The following BRWD1 variants were observed in gnomAD, a reference collection of about 807,000 sequenced individuals.
BRWD1 encodes the protein bromodomain and WD repeat domain containing 1.
A neutral mutation model predicts 251.2 loss-of-function variants in BRWD1; 82 were observed. That is an observed-to-expected ratio of 0.33 (90% CI 0.27 to 0.39). BRWD1 has a LOEUF of 0.39. BRWD1 is among the 10% of genes least tolerant of loss of function. The probability of loss-of-function intolerance (pLI) is 1.00; values close to 1 mark genes in which losing one functional copy is unlikely to be tolerated. For missense variants in BRWD1, 2,233 were observed against 2,711.6 expected (o/e 0.82, Z 3.92); for synonymous variants, 918 against 902.8 (o/e 1.02, Z -0.30).
Position 39,195,081 on chromosome 21 carries a change from GATT to G in BRWD1, c.*1175_*1177del, listed in dbSNP as rs2031741447. 5.7e-6 allele frequency: 7 copies of G among 1,223,680 alleles called. No individual in the cohort carries two copies. Among genetic ancestry groups the G allele is most frequent in the Non-Finnish European group, 7.2e-6 (7 of 978,716 alleles). 75.8% of individuals were successfully genotyped at this position (1,223,680 alleles called of 1,614,324 possible). ...GTGTGATAAACTTTCACTTTAAATGGATTATAAAATTATTTTCCCACAAAACAT... is the reference window on the plus strand; with the variant it reads ...GTGTGATAAACTTTCACTTTAAATGGATAAAATTATTTTCCCACAAAACAT... On this transcript the variant is annotated 3_prime_UTR_variant, in exon 41 of 41. Transcript: ENST00000342449.
chr21:39,312,964 GGGCCGGGGGCGGGCGGCGGGCGGCGGGC>G, intron 3 of BRWD1, 64 bp from the exon 4 acceptor site: 12 of 564,890 alleles, frequency 2.1e-5, no homozygotes, highest in Non-Finnish European at 2.8e-5. Context: ...GGGGGGCGGG[GGGCCGGGGGCGGGCGGCGGGCGGCGGGC>G]GGGGGGCGCG....
intron 19 of BRWD1, among the ~76,000 whole-genome samples, chr21:39,254,700 A>G (rs892838612): frequency 6.6e-6 from 1 of 152,226 alleles, no homozygotes; most frequent in African/African-American, 2.4e-5. Flanking sequence ...AGAAGTGTCC[A>G]AGATAATAAA....
At chr21:39,317,549 C>T (rs556359428), upstream of BRWD1, among the ~76,000 whole-genome samples, 42 of 152,320 alleles carry the variant, frequency 2.8e-4, no homozygotes, top group Non-Finnish European at 5.1e-4. Context: ...ACAGTATTAT[C>T]TTAGACTGAA....
At chr21:39,247,076 C>CA (rs542391369) in intron 21 of BRWD1, among the ~76,000 whole-genome samples, 14,059 of 101,688 alleles carry the variant, frequency 0.14, 829 homozygotes, top group Middle Eastern at 0.22. Flanking sequence ...GACTCCGTCT[C>CA]AAAAAAAAAA....
intron 4 of BRWD1, 145 bp from the exon 5 acceptor site, chr21:39,298,727 C>G: frequency 1.7e-6 from 1 of 584,718 alleles, no homozygotes; most frequent in Admixed American, 4.1e-5. Context: ...CTTAAATAAA[C>G]AATAAGCTGA....
chr21:39,218,534 A>G lies in BRWD1; in HGVS notation c.3509T>C (p.Ile1170Thr). 1.2e-6 allele frequency: 2 copies of G among 1,607,810 alleles called. No individual in the cohort carries two copies. Among genetic ancestry groups the G allele is most frequent in the East Asian group, 4.5e-5 (2 of 44,740 alleles). Residue 1170 changes from isoleucine (I) to threonine (T), a missense_variant, in exon 30 of 41, where the codon ATC becomes ACC. Physicochemically the swap from Ile to Thr is moderately conservative, Grantham distance 89 (BLOSUM62 -1). Transcript: ENST00000342449. ...KSRDEECDRI[I>T]SGIDQLLNLD... The stretch of plus-strand genomic sequence containing the variant: ...ATTCAAAAGTTGATCTATACCACTG[A>G]TAATTCTATCACATTCTTCATCTCT...
chr21:39,253,479 C>T (rs147540415), intron 19 of BRWD1, among the ~76,000 whole-genome samples: 2 of 152,224 alleles, frequency 1.3e-5, no homozygotes, highest in African/African-American at 2.4e-5. Context: ...TCTCTCTTGA[C>T]ACCTGTTTGC....
chr21:39,314,276 G>T, upstream of BRWD1: 1 of 455,972 alleles, frequency 2.2e-6, no homozygotes, highest in South Asian at 1.5e-5. Context: ...GGCGCTGAAG[G>T]CTGCCGAGAC....
intron 37 of BRWD1, among the ~76,000 whole-genome samples, chr21:39,203,272 C>T (rs946262672): frequency 1.3e-5 from 2 of 151,978 alleles, no homozygotes; most frequent in African/African-American, 4.8e-5. Context: ...GGCAACATAG[C>T]ATGACCCCAT....
At chr21:39,230,229 G>A (rs73357877) in intron 25 of BRWD1, among the ~76,000 whole-genome samples, 3,404 of 152,240 alleles carry the variant, frequency 0.022, 123 homozygotes, top group African/African-American at 0.078. Flanking sequence ...GTAAACAAGT[G>A]AAAGTCCCTA....
intron 33 of BRWD1, 84 bp downstream of exon 33, chr21:39,213,397 G>T: frequency 1.1e-6 from 1 of 948,786 alleles, no homozygotes; most frequent in Non-Finnish European, 1.6e-6. Context: ...ACAAGAGTTG[G>T]TACTACAAAG....
At chr21:39,272,969 G>A (rs1002930999) in intron 13 of BRWD1, among the ~76,000 whole-genome samples, 2 of 152,008 alleles carry the variant, frequency 1.3e-5, no homozygotes, top group South Asian at 2.1e-4. Flanking sequence ...AAGTTGATTC[G>A]CCAATATTAG....
intron 19 of BRWD1, among the ~76,000 whole-genome samples, chr21:39,252,453 A>G (rs1407636797): frequency 6.6e-6 from 1 of 152,144 alleles, no homozygotes; most frequent in Admixed American, 6.5e-5. Flanking sequence ...AAACTTTTAT[A>G]GTCAGAAAAC....
chr21:39,271,023 G>A (rs533969030), intron 13 of BRWD1, among the ~76,000 whole-genome samples: 2 of 152,330 alleles, frequency 1.3e-5, no homozygotes, highest in Admixed American at 6.5e-5. Flanking sequence ...GGCCAGACAC[G>A]GTGGCTCACG....
At chr21:39,310,229 T>C (rs920777856) in intron 4 of BRWD1, among the ~76,000 whole-genome samples, 10 of 151,978 alleles carry the variant, frequency 6.6e-5, no homozygotes, top group African/African-American at 2.2e-4. Context: ...AAATTCAAAT[T>C]TGTTGGCCAG....
At chr21:39,284,633 G>A (rs866771323) in intron 8 of BRWD1, among the ~76,000 whole-genome samples, 84 of 152,138 alleles carry the variant, frequency 5.5e-4, no homozygotes, top group African/African-American at 2.0e-3. Context: ...CTGGGGTGAG[G>A]TAGTATCTCA....
intron 4 of BRWD1, among the ~76,000 whole-genome samples, chr21:39,305,842 G>A (rs1247284510): frequency 1.2e-4 from 17 of 142,580 alleles, no homozygotes; most frequent in Non-Finnish European, 2.0e-4. Flanking sequence ...CCAGCCTGGC[G>A]ACGGTGCAAG....
chr21:39,238,195 C>T (rs1305744915), intron 22 of BRWD1, among the ~76,000 whole-genome samples: 1 of 149,998 alleles, frequency 6.7e-6, no homozygotes, highest in Non-Finnish European at 1.5e-5. Flanking sequence ...ACCACACATA[C>T]TTTAGATACT....
At chr21:39,282,101 C>T (rs1296133707) in intron 8 of BRWD1, among the ~76,000 whole-genome samples, 1 of 151,216 alleles carries the variant, frequency 6.6e-6, no homozygotes, top group Non-Finnish European at 1.5e-5. Context: ...CGTATATAAA[C>T]ATATATATAA....
Sources: gnomAD v4.1 joint callset for allele counts (sites outside exome capture counted in the v4.1 genomes callset) on GRCh38, gnomAD v4.1.1 for gene constraint, MANE v1.5 for transcripts, NCBI Gene and HGNC (gene_info 2026-07-23, HGNC 2026-07-21) for gene names.